TSPAN18: variants seen among roughly 807,000 people sequenced by gnomAD.
TSPAN18 encodes tetraspanin-18.
Under a neutral mutation model 27.3 loss-of-function variants are expected in TSPAN18, and 14 were observed. The observed-to-expected ratio is 0.51, with a 90% CI of 0.34 to 0.80. The LOEUF (loss-of-function observed/expected upper bound fraction) is 0.80. Among genes scored for constraint, TSPAN18 ranks in the 30% least tolerant of loss-of-function variants. The pLI, the probability that TSPAN18 is intolerant of heterozygous loss-of-function variation, is 0.01. For missense variants in TSPAN18, 268 were observed against 323.9 expected (o/e 0.83, Z 1.32); for synonymous variants, 143 against 136.5 (o/e 1.05, Z -0.33).
Position 44,746,926 on chromosome 11 carries a change from G to T in TSPAN18, c.-239-17500G>T, listed in dbSNP as rs563369902. On this transcript the variant is annotated intron_variant, in intron 1 of 9. Transcript: ENST00000520358. ...GAGACTCAGTTCTTAGGGAGTAGTC[G>T]CCTGGACCCAGCCTTCCCATTGCTC... is the stretch of plus-strand genomic sequence containing the variant. Among the ~76,000 whole-genome samples, 20 of 152,306 alleles carry T rather than the reference G, an allele frequency of 1.3e-4. No individual in the cohort carries two copies. In the East Asian group the frequency reaches 2.1e-3, roughly 16 times the overall value.
At chr11:44,890,337 A>T (rs1477204882) in intron 3 of TSPAN18, among the ~76,000 whole-genome samples, 1 of 152,264 alleles carries the variant, frequency 6.6e-6, no homozygotes, top group Non-Finnish European at 1.5e-5. Flanking sequence ...TTCCATTATG[A>T]ACACAAGCAA....
chr11:44,794,685 G>A (rs1856306841), intron 2 of TSPAN18, among the ~76,000 whole-genome samples: 1 of 151,944 alleles, frequency 6.6e-6, no homozygotes, highest in Non-Finnish European at 1.5e-5. Context: ...AAAAAAAAGG[G>A]AGAACTCAGT....
At chr11:44,786,182 C>T (rs1856052622) in intron 2 of TSPAN18, among the ~76,000 whole-genome samples, 1 of 152,270 alleles carries the variant, frequency 6.6e-6, no homozygotes, top group African/African-American at 2.4e-5. Flanking sequence ...ATCATTCAGG[C>T]TCCTGATGCT....
chr11:44,855,961 C>T (rs1857726462), intron 2 of TSPAN18, among the ~76,000 whole-genome samples: 1 of 151,830 alleles, frequency 6.6e-6, no homozygotes. Context: ...CGGCTCACTG[C>T]AACCTCCGTC....
chr11:44,880,026 C>T lies in TSPAN18; in HGVS notation c.-11+19557C>T, dbSNP rs554102657. Among the ~76,000 whole-genome samples, 33 of 152,330 alleles carry T rather than the reference C, an allele frequency of 2.2e-4. No homozygotes were observed. In the East Asian group the frequency reaches 3.1e-3, roughly 14 times the overall value. ...GAGCCTCACCGCACCAAGGAGGCGA[C>T]GCTGGGGGGAGGCTGGACGGTGGAG... On this transcript the variant is annotated intron_variant, in intron 3 of 9. Transcript: ENST00000520358.
chr11:44,735,089 TCTC>T (rs1420865732), intron 1 of TSPAN18, among the ~76,000 whole-genome samples: 1 of 152,164 alleles, frequency 6.6e-6, no homozygotes, highest in Non-Finnish European at 1.5e-5. Flanking sequence ...TGCGCATTCT[TCTC>T]CTGAGCATAG....
Position 44,776,380 on chromosome 11 carries a change from C to G in TSPAN18, c.-153+11868C>G, listed in dbSNP as rs773715758. 2.6e-5 allele frequency among the ~76,000 whole-genome samples: 4 copies of G among 152,302 alleles called. No individual in the cohort carries two copies. In the East Asian group the frequency reaches 7.7e-4, roughly 29 times the overall value. ...TTAAATCCTGGTTCTCACTTGCTGG[C>G]TGGGAGACCATTAAGCTTCACGAGC... On this transcript the variant is annotated intron_variant, in intron 2 of 9. Coordinates refer to ENST00000520358, the MANE Select transcript of TSPAN18 (RefSeq NM_130783.5).
chr11:44,908,561 C>A (rs1397729701), intron 4 of TSPAN18, among the ~76,000 whole-genome samples: 1 of 151,836 alleles, frequency 6.6e-6, no homozygotes, highest in Non-Finnish European at 1.5e-5. Context: ...TGGCAAAATT[C>A]AGTCTCTATA....
intron 2 of TSPAN18, among the ~76,000 whole-genome samples, chr11:44,811,389 G>A (rs1010409583): frequency 6.6e-6 from 1 of 152,068 alleles, no homozygotes; most frequent in Non-Finnish European, 1.5e-5. Context: ...GCCTTGGAAA[G>A]GGAATCAGAA....
intron 2 of TSPAN18, among the ~76,000 whole-genome samples, chr11:44,843,694 C>G (rs1857422870): frequency 1.3e-5 from 2 of 152,180 alleles, no homozygotes; most frequent in African/African-American, 4.8e-5. Context: ...AGACCTACCC[C>G]TAGGTGCGCA....
At chr11:44,852,227 A>C (rs557572938) in intron 2 of TSPAN18, among the ~76,000 whole-genome samples, 1 of 152,378 alleles carries the variant, frequency 6.6e-6, no homozygotes, top group South Asian at 2.1e-4. Context: ...AATAGCTAAC[A>C]TTGGCCCTTC....
Position 44,740,888 on chromosome 11 carries a change from C to T in TSPAN18, c.-240+13601C>T, listed in dbSNP as rs558823732. On this transcript the variant is annotated intron_variant, in intron 1 of 9. Coordinates refer to ENST00000520358, the MANE Select transcript of TSPAN18 (RefSeq NM_130783.5). Reference sequence around the variant, plus strand: ...GCAACTTCTGCCTTCCAGGTTCAAGCGATTCTCCTGTCCCAAGTAGCTGGG... The same window carrying T: ...GCAACTTCTGCCTTCCAGGTTCAAGTGATTCTCCTGTCCCAAGTAGCTGGG... Among the ~76,000 whole-genome samples, 7 of 152,312 alleles carry T rather than the reference C, an allele frequency of 4.6e-5. No individual in the cohort carries two copies. The South Asian group carries it at 8.3e-4, about 18-fold the overall frequency.
intron 8 of TSPAN18, among the ~76,000 whole-genome samples, chr11:44,920,559 C>A (rs994170360): frequency 1.3e-5 from 2 of 152,152 alleles, no homozygotes; most frequent in African/African-American, 4.8e-5. Context: ...GGAAGACAAG[C>A]GCCTGGCTTT....
At chr11:44,922,496 T>TG (rs1442431149) in intron 8 of TSPAN18, among the ~76,000 whole-genome samples, 1 of 151,014 alleles carries the variant, frequency 6.6e-6, no homozygotes, top group Admixed American at 6.6e-5. Context: ...GGGGTTGGGG[T>TG]GGGGGTGAGG....
chr11:44,881,768 G>A (rs994439214), intron 3 of TSPAN18, among the ~76,000 whole-genome samples: 7 of 152,104 alleles, frequency 4.6e-5, no homozygotes, highest in East Asian at 1.9e-4. Context: ...AGGGCCAACC[G>A]TTCTTGACCC....
chr11:44,732,935 G>A (rs1854699048), intron 1 of TSPAN18, among the ~76,000 whole-genome samples: 1 of 152,154 alleles, frequency 6.6e-6, no homozygotes, highest in South Asian at 2.1e-4. Flanking sequence ...GTCACTCAGG[G>A]ACCCAGGCTC....
At chr11:44,908,196 G>A (rs1347788475) in intron 4 of TSPAN18, among the ~76,000 whole-genome samples, 3 of 152,006 alleles carry the variant, frequency 2.0e-5, no homozygotes, top group Non-Finnish European at 2.9e-5. Flanking sequence ...CTGCCCTAAG[G>A]TCGCCTACAA....
At chr11:44,805,254 G>T (rs10838358) in intron 2 of TSPAN18, among the ~76,000 whole-genome samples, 61,273 of 152,150 alleles carry the variant, frequency 0.4, 14,076 homozygotes, top group Non-Finnish European at 0.51. Flanking sequence ...CGGCAGATGC[G>T]TGCATCTGTG....
chr11:44,847,368 GA>G (rs1857507054), intron 2 of TSPAN18, among the ~76,000 whole-genome samples: 1 of 152,172 alleles, frequency 6.6e-6, no homozygotes, highest in South Asian at 2.1e-4. Flanking sequence ...TCTTCTTTAA[GA>G]AAATTGAGGC....
Sources: gnomAD v4.1 joint callset for allele counts (sites outside exome capture counted in the v4.1 genomes callset) on GRCh38, gnomAD v4.1.1 for gene constraint, MANE v1.5 for transcripts, NCBI Gene and HGNC (gene_info 2026-07-23, HGNC 2026-07-21) for gene names.